CHST7: variants seen among roughly 807,000 people sequenced by gnomAD.
CHST7 encodes the protein N-acetylglucosamine 6-O-sulfotransferase 4.
CHST7 carries 5 observed loss-of-function variants against 9.0 expected under a neutral mutation model. That is an observed-to-expected ratio of 0.56 (90% CI 0.29 to 1.17). The LOEUF (loss-of-function observed/expected upper bound fraction) is 1.17. Ranked by LOEUF, CHST7 falls within the 50% of genes most tolerant of loss-of-function variation. The probability of loss-of-function intolerance (pLI) is 0.08; values close to 1 mark genes in which losing one functional copy is unlikely to be tolerated. For missense variants in CHST7, 377 were observed against 485.1 expected (o/e 0.78, Z 2.09); for synonymous variants, 244 against 237.1 (o/e 1.03, Z -0.27).
In CHST7 at chrX:46,574,070, G is replaced by T; in HGVS notation, c.139G>T (p.Gly47Cys). The T allele has an allele frequency of 1.7e-6, 2 of 1,167,286 alleles. No individual in the cohort carries two copies. Among genetic ancestry groups the T allele is most frequent in the African/African-American group, 1.8e-5 (1 of 56,700 alleles). Residue 47 changes from glycine to cysteine, a missense_variant, in exon 1 of 2, where the codon GGC becomes TGC. Coordinates refer to ENST00000276055, the MANE Select transcript of CHST7 (RefSeq NM_019886.4). ...GGACAAGGGCGCCGAGCACTGCCCC[G>T]GCCTGCAGCGCAGCCTGGGAGTGTG... The part of the protein sequence containing the change: ...DGDKGAEHCP[G>C]LQRSLGVWSL...
At position 46,574,160 on chromosome X, in the gene CHST7, G is replaced by A. The variant is rs750903362; in HGVS notation, c.229G>A (p.Gly77Arg). 9 of 1,173,996 alleles carry A rather than the reference G, an allele frequency of 7.7e-6. No individual in the cohort carries two copies. The highest frequency in any genetic ancestry group is 7.5e-5 in the Admixed American group (3 of 40,093). ...QGAEARAAEEGGANQSPRFPS... is the reference protein window; with the variant it reads ...QGAEARAAEERGANQSPRFPS... ...AGCGGAGGCGCGGGCCGCCGAGGAAGGGGGCGCGAACCAGTCTCCTCGGTT... is the reference window on the plus strand; with the variant it reads ...AGCGGAGGCGCGGGCCGCCGAGGAAAGGGGCGCGAACCAGTCTCCTCGGTT... Residue 77 changes from glycine to arginine, a missense_variant, in exon 1 of 2, where the codon GGG becomes AGG. Around this residue, in one of 3 missense-constraint regions of CHST7, gnomAD observed 239 missense variants for 325.7 expected, o/e 0.73. Coordinates refer to ENST00000276055, the MANE Select transcript of CHST7 (RefSeq NM_019886.4).
In CHST7 at chrX:46,575,295, G is replaced by A. The variant is rs370937477; in HGVS notation, c.1364G>A (p.Arg455His). 6 of 1,108,745 alleles carry A rather than the reference G, an allele frequency of 5.4e-6. No homozygotes were observed. In the African/African-American group the frequency reaches 1.1e-4, roughly 21 times the overall value. 91.4% of individuals were successfully genotyped at this position (1,108,745 alleles called of 1,213,427 possible). A position where few individuals can be genotyped will look rare whatever the true frequency, so the allele number is the denominator to read the frequency against. Residue 455 changes from arginine to histidine, a missense_variant, in exon 1 of 2, where the codon CGT becomes CAT. Physicochemically the swap from Arg to His is conservative, Grantham distance 29 (BLOSUM62 0). Coordinates refer to ENST00000276055, the MANE Select transcript of CHST7 (RefSeq NM_019886.4). ...QVEAACAPAMRLLAYPRSGEE... is the reference protein window; with the variant it reads ...QVEAACAPAMHLLAYPRSGEE... ...GAGGCCGCCTGCGCTCCAGCCATGC[G>A]TCTGCTCGCCTACCCTCGCAGCGGA...
chrX:46,592,806 G>T (rs1942578921), intron 1 of CHST7, among the ~76,000 whole-genome samples: 1 of 104,334 alleles, frequency 9.6e-6, no homozygotes, highest in African/African-American at 3.5e-5. Context: ...TAATCATCTA[G>T]TTTCTTGAGG....
intron 1 of CHST7, among the ~76,000 whole-genome samples, chrX:46,575,837 T>C (rs1433058185): frequency 2.7e-5 from 3 of 112,051 alleles, no homozygotes; most frequent in African/African-American, 9.7e-5. Flanking sequence ...TGGAGTTATC[T>C]TGATGCCAGT....
rs1942487749 is a variant in CHST7, at chrX:46,574,747, G to T, written c.816G>T (p.Lys272Asn). ...PLLRDPGLNL[K>N]VVQLFRDPRA... ...TGCGTGATCCAGGCCTCAACCTGAA[G>T]GTGGTGCAGCTTTTCCGCGACCCGA... The change falls in exon 1 of 2, where the codon AAG becomes AAT. Residue 272 changes from lysine to asparagine, a missense_variant. Lys to Asn is a moderately conservative substitution (Grantham distance 94). Transcript: ENST00000276055. The T allele has an allele frequency of 8.3e-7, 1 of 1,209,238 alleles. No homozygotes were observed. Among genetic ancestry groups the T allele is most frequent in the Non-Finnish European group, 1.1e-6 (1 of 894,206 alleles).
chrX:46,587,842 T>C (rs1257142565), intron 1 of CHST7, among the ~76,000 whole-genome samples: 3 of 111,999 alleles, frequency 2.7e-5, no homozygotes, highest in African/African-American at 9.8e-5. Context: ...AGCTTAGATA[T>C]TAACATCATC....
At chrX:46,596,005 G>A (rs1942592049) in intron 1 of CHST7, among the ~76,000 whole-genome samples, 1 of 109,729 alleles carries the variant, frequency 9.1e-6, no homozygotes, top group South Asian at 4.0e-4. Context: ...GGGCGTGGTG[G>A]TGCACGCCTG....
intron 1 of CHST7, among the ~76,000 whole-genome samples, chrX:46,577,575 G>A (rs1942505989): frequency 9.0e-6 from 1 of 111,669 alleles, no homozygotes; most frequent in Admixed American, 9.5e-5. Flanking sequence ...ACTGAGTTAG[G>A]CATTGTACAT....
Position 46,573,765 on chromosome X carries a change from A to T in CHST7, c.-167A>T. On this transcript the variant is annotated 5_prime_UTR_variant, in exon 1 of 2. Coordinates refer to ENST00000276055, the MANE Select transcript of CHST7 (RefSeq NM_019886.4). ...AAGCCGAGAGGGCAGGGGCGCCGTC[A>T]GTAGCACCACCGCCTTCCAAGTTTC... The T allele has an allele frequency of 1.2e-6, 1 of 807,343 alleles. No individual in the cohort carries two copies. Among genetic ancestry groups the T allele is most frequent in the Non-Finnish European group, 1.7e-6 (1 of 590,793 alleles). The allele number at this position is 807,343 out of a possible 1,213,427, so 66.5% of individuals were successfully genotyped here.
At chrX:46,585,934 G>C (rs984012637) in intron 1 of CHST7, among the ~76,000 whole-genome samples, 13 of 110,838 alleles carry the variant, frequency 1.2e-4, no homozygotes, top group Non-Finnish European at 2.5e-4. Context: ...TTTCAGTAGA[G>C]ACAGGGTTTC....
At chrX:46,588,801 C>CT (rs1217315752) in intron 1 of CHST7, among the ~76,000 whole-genome samples, 236 of 104,929 alleles carry the variant, frequency 2.2e-3, no homozygotes, top group Admixed American at 3.2e-3. Flanking sequence ...TTCAATGTCA[C>CT]TTTTTTTTTT....
At chrX:46,580,874 C>G (rs950536696) in intron 1 of CHST7, among the ~76,000 whole-genome samples, 10 of 111,939 alleles carry the variant, frequency 8.9e-5, no homozygotes, top group African/African-American at 2.6e-4. Flanking sequence ...ACTTAATTGA[C>G]CTTTGGCAAG....
intron 1 of CHST7, among the ~76,000 whole-genome samples, chrX:46,578,790 A>G (rs1314023949): frequency 4.5e-5 from 5 of 110,944 alleles, no homozygotes; most frequent in Admixed American, 9.6e-5. Flanking sequence ...ATGTCTCATT[A>G]GCTAAAACTG....
chrX:46,574,991 C>A lies in CHST7; in HGVS notation c.1060C>A (p.Arg354Ser). The change falls in exon 1 of 2, where the codon CGC becomes AGC. Residue 354 changes from arginine to serine, a missense_variant. By Grantham distance (110) the Arg-to-Ser change is moderately radical. This residue lies in a region of CHST7 where 130 missense variants were observed against 134.9 expected (regional missense o/e 0.96). Coordinates refer to ENST00000276055, the MANE Select transcript of CHST7 (RefSeq NM_019886.4). Reference sequence around the variant, plus strand: ...CGAGGTGATCTGCGAAGCCTGGCTGCGCGATCTGCTTTTCGCGCGCGGCGC... The same window carrying A: ...CGAGGTGATCTGCGAAGCCTGGCTGAGCGATCTGCTTTTCGCGCGCGGCGC... Reference protein sequence around the residue: ...ALEVICEAWLRDLLFARGAPA... With the variant: ...ALEVICEAWLSDLLFARGAPA... The A allele has an allele frequency of 2.6e-6, 3 of 1,145,394 alleles. No homozygotes were observed. Among genetic ancestry groups the A allele is most frequent in the Middle Eastern group, 4.8e-4 (2 of 4,134 alleles). 94.4% of individuals were successfully genotyped at this position (1,145,394 alleles called of 1,213,427 possible).
intron 1 of CHST7, among the ~76,000 whole-genome samples, chrX:46,585,828 C>G (rs1942546935): frequency 1.8e-5 from 2 of 111,996 alleles, no homozygotes; most frequent in African/African-American, 6.5e-5. Flanking sequence ...TCAATGCAAC[C>G]TGTGCCTCCT....
chrX:46,591,135 A>T lies in CHST7; in HGVS notation c.*32-6625A>T, dbSNP rs755461326. Among the ~76,000 whole-genome samples the T allele has an allele frequency of 5.3e-5, 6 of 112,407 alleles. No homozygotes were observed. In the South Asian group the frequency reaches 2.2e-3, roughly 41 times the overall value. On this transcript the variant is annotated intron_variant, in intron 1 of 1. Transcript: ENST00000276055. Reference sequence around the variant, plus strand: ...TTTCAGTTTTTGGCTATTACAAATAAAGCTACTATGAATATTTGTGTATGG... The same window carrying T: ...TTTCAGTTTTTGGCTATTACAAATATAGCTACTATGAATATTTGTGTATGG...
At position 46,584,431 on chromosome X, in the gene CHST7, G is replaced by A. The variant is rs1035826005; in HGVS notation, c.*31+9008G>A. On this transcript the variant is annotated intron_variant, in intron 1 of 1. Transcript: ENST00000276055. Reference sequence around the variant, plus strand: ...ACATGCCTATAATCCCAGCTACTCGGGAGGCTGAGGCAGGAGAATCACTTA... The same window carrying A: ...ACATGCCTATAATCCCAGCTACTCGAGAGGCTGAGGCAGGAGAATCACTTA... 1.1e-3 allele frequency among the ~76,000 whole-genome samples: 26 copies of A among 24,014 alleles called. No homozygotes were observed. The African/African-American group carries it at 0.023, about 21-fold the overall frequency. 20.9% of individuals were successfully genotyped at this position (24,014 alleles called of 115,157 possible).
intron 1 of CHST7, among the ~76,000 whole-genome samples, chrX:46,590,149 G>C (rs1050456772): frequency 3.6e-5 from 4 of 112,255 alleles, no homozygotes; most frequent in African/African-American, 1.3e-4. Context: ...TTAGCACTTG[G>C]TTAGTCATTG....
At chrX:46,590,088 T>C (rs1404194328) in intron 1 of CHST7, among the ~76,000 whole-genome samples, 1 of 111,442 alleles carries the variant, frequency 9.0e-6, no homozygotes. Flanking sequence ...GTTGGGCTGG[T>C]AGTACTCTCC....
Sources: gnomAD v4.1 joint callset for allele counts (sites outside exome capture counted in the v4.1 genomes callset) on GRCh38, gnomAD v4.1.1 for gene constraint, gnomAD v4.1.1 regional missense constraint, MANE v1.5 for transcripts, NCBI Gene and HGNC (gene_info 2026-07-23, HGNC 2026-07-21) for gene names.